Variants in ITGA7 observed in about 807,000 individuals in gnomAD.
The protein encoded by ITGA7 is integrin alpha-7.
ITGA7 carries 84 observed loss-of-function variants against 131.6 expected under a neutral mutation model. The ratio of observed to expected loss-of-function variants is 0.64; its 90% CI spans 0.54 to 0.77. ITGA7 has a LOEUF of 0.77. Ranked by LOEUF, ITGA7 falls within the 30% of genes least tolerant of loss-of-function variation. The pLI, the probability that ITGA7 is intolerant of heterozygous loss-of-function variation, is 0.00. For synonymous variants in ITGA7, 548 were observed against 600.7 expected (o/e 0.91, Z 1.28); for missense variants, 1,399 against 1,482.9 (o/e 0.94, Z 0.93).
At chr12:55,696,816 C>T (rs140262415) in intron 12 of ITGA7, 83 bp downstream of exon 12, 57 of 1,522,532 alleles carry the variant, frequency 3.7e-5, no homozygotes, top group East Asian at 3.4e-4. Flanking sequence ...CGAGTGTGCT[C>T]GGGAAAAAGC....
At chr12:55,686,896 T>C (rs1299444393) in intron 24 of ITGA7, among the ~76,000 whole-genome samples, 2 of 152,146 alleles carry the variant, frequency 1.3e-5, no homozygotes, top group Non-Finnish European at 2.9e-5. Flanking sequence ...TGCCACATTC[T>C]AGTTAAGTCA....
rs1869712234 is a variant in ITGA7, at chr12:55,684,784, TC to T, written c.*273del. ...TGAATGGGAGAGGAAGGGATTAGGATCCCTTCTCCCCACCTTTGCATCAGGA... is the reference window on the plus strand; with the variant it reads ...TGAATGGGAGAGGAAGGGATTAGGATCCTTCTCCCCACCTTTGCATCAGGA... On this transcript the variant is annotated 3_prime_UTR_variant, in exon 25 of 25. Coordinates refer to ENST00000257879, the MANE Select transcript of ITGA7 (RefSeq NM_002206.3). 1 of 476,704 alleles carries T rather than the reference TC, an allele frequency of 2.1e-6. No homozygotes were observed. The highest frequency in any genetic ancestry group is 3.9e-5 in the South Asian group (1 of 25,856). 29.5% of individuals were successfully genotyped at this position (476,704 alleles called of 1,614,324 possible).
intron 3 of ITGA7, among the ~76,000 whole-genome samples, chr12:55,702,118 T>A (rs1020364936): frequency 1.3e-4 from 19 of 151,928 alleles, no homozygotes; most frequent in African/African-American, 4.6e-4. Flanking sequence ...CAGGTTCAAG[T>A]GATTCTCCTA....
chr12:55,695,102 G>A (rs938728272), intron 14 of ITGA7, 132 bp from the exon 15 acceptor site: 21 of 872,126 alleles, frequency 2.4e-5, no homozygotes, highest in Non-Finnish European at 3.1e-5. Flanking sequence ...CATCACACCC[G>A]TCCAAGCCTC....
At chr12:55,705,392 G>C (rs551786201) in intron 1 of ITGA7, among the ~76,000 whole-genome samples, 1 of 151,034 alleles carries the variant, frequency 6.6e-6, no homozygotes, top group South Asian at 2.1e-4. Flanking sequence ...AAAAAAAAGT[G>C]TTGGCAGCTG....
chr12:55,699,055 C>CTAGGTTAA (rs1232378127), intron 5 of ITGA7, 138 bp from the exon 6 acceptor site: 2 of 776,496 alleles, frequency 2.6e-6, no homozygotes, highest in African/African-American at 3.4e-5. Flanking sequence ...GCCCCCTCCC[C>CTAGGTTAA]TAGGTTAAGA....
rs1872714705 is a variant in ITGA7, at chr12:55,696,788, A to T, written c.1737+111T>A. 4 of 1,218,000 alleles carry T rather than the reference A, an allele frequency of 3.3e-6. No homozygotes were observed. The East Asian group carries it at 9.5e-5, about 29-fold the overall frequency. The allele number at this position is 1,218,000 out of a possible 1,614,324, so 75.4% of individuals were successfully genotyped here. A position where few individuals can be genotyped will look rare whatever the true frequency, so the allele number is the denominator to read the frequency against. Reference sequence around the variant, plus strand: ...CAGAAGACAGGTTTCCCACGTGTCTAGGTCTTAGAAGGAGGCACGAGTGTG... The same window carrying T: ...CAGAAGACAGGTTTCCCACGTGTCTTGGTCTTAGAAGGAGGCACGAGTGTG... On this transcript the variant is annotated intron_variant, in intron 12 of 24. Transcript: ENST00000257879.
chr12:55,714,904 A>G (rs1852334), upstream of ITGA7, among the ~76,000 whole-genome samples: 55,851 of 127,906 alleles, frequency 0.44, 12,802 homozygotes, highest in East Asian at 0.9. Context: ...TCTGTCGCCC[A>G]GGCTGGAGTT....
intron 20 of ITGA7, 70 bp downstream of exon 20, chr12:55,693,071 T>C: frequency 6.2e-7 from 1 of 1,610,504 alleles, no homozygotes; most frequent in Non-Finnish European, 8.5e-7. Context: ...GCCCCATCAC[T>C]GCACTCACTA....
chr12:55,716,035 CA>C (rs1876486643), upstream of ITGA7: 1 of 1,542,448 alleles, frequency 6.5e-7, no homozygotes. Context: ...CCTCACGTGA[CA>C]CAGCGGTCAC....
chr12:55,697,391 G>C, intron 10 of ITGA7, 60 bp downstream of exon 10: 1 of 1,589,996 alleles, frequency 6.3e-7, no homozygotes. Context: ...GGGAGATAAA[G>C]GATCAAAGGG....
chr12:55,695,928 G>A (rs577698419), intron 13 of ITGA7, among the ~76,000 whole-genome samples: 15 of 152,136 alleles, frequency 9.9e-5, no homozygotes, highest in African/African-American at 2.4e-4. Context: ...GATTTAGAAC[G>A]GGAAAAGATG....
intron 22 of ITGA7, 55 bp downstream of exon 22, chr12:55,688,789 T>C (rs895574117): frequency 7.5e-6 from 10 of 1,329,812 alleles, no homozygotes; most frequent in Non-Finnish European, 1.1e-5. Flanking sequence ...AAATGAGTCC[T>C]GGAGGGGCTT....
chr12:55,697,578 A>G (rs776595022), intron 9 of ITGA7, 32 bp from the exon 10 acceptor site: 1 of 1,609,676 alleles, frequency 6.2e-7, no homozygotes, highest in Non-Finnish European at 8.5e-7. Flanking sequence ...CACAAGAAAC[A>G]TGAGAACATG....
Position 55,688,108 on chromosome 12 carries a change from G to A in ITGA7, c.3058-12C>T. ...ACCATCACTGGGATCTGGGGAGCAA[G>A]GGGTCAATGGAGCAAGAGGTCAATG... On this transcript the variant is annotated splice_polypyrimidine_tract_variant and intron_variant, in intron 23 of 24. Coordinates refer to ENST00000257879, the MANE Select transcript of ITGA7 (RefSeq NM_002206.3). 6.2e-7 allele frequency: 1 copy of A among 1,614,150 alleles called. No homozygotes were observed. The highest frequency in any genetic ancestry group is 8.5e-7 in the Non-Finnish European group (1 of 1,180,032).
chr12:55,692,409 C>T (rs932513523), intron 21 of ITGA7, among the ~76,000 whole-genome samples: 65 of 152,250 alleles, frequency 4.3e-4, no homozygotes, highest in East Asian at 7.7e-4. Context: ...AGCAAGACTC[C>T]GTCTCAACAA....
At chr12:55,687,910 A>G in intron 24 of ITGA7, 61 bp downstream of exon 24, 4 of 1,611,688 alleles carry the variant, frequency 2.5e-6, no homozygotes, top group Non-Finnish European at 3.4e-6. Flanking sequence ...GAACCACAAT[A>G]CAAAATGCTG....
intron 4 of ITGA7, chr12:55,700,418 C>A: frequency 6.3e-7 from 1 of 1,591,878 alleles, no homozygotes. Context: ...CTGTTAGTGC[C>A]CAGGGCAGGG....
At chr12:55,690,103 A>G (rs1287755212) in intron 21 of ITGA7, among the ~76,000 whole-genome samples, 1 of 152,204 alleles carries the variant, frequency 6.6e-6, no homozygotes. Context: ...ATGGCAACAA[A>G]AGCCAAAATT....
Sources: gnomAD v4.1 joint callset for allele counts (sites outside exome capture counted in the v4.1 genomes callset) on GRCh38, gnomAD v4.1.1 for gene constraint, MANE v1.5 for transcripts, NCBI Gene and HGNC (gene_info 2026-07-23, HGNC 2026-07-21) for gene names.